Variants in SMN2 observed in about 807,000 individuals in gnomAD.
The protein encoded by SMN2 is survival motor neuron protein.
A neutral mutation model predicts 2.8 loss-of-function variants in SMN2; 1 was observed. That is an observed-to-expected ratio of 0.35 (90% CI 0.13 to 1.68). The LOEUF is 1.68. SMN2 is among the 40% of genes most tolerant of loss of function. The pLI, the probability that SMN2 is intolerant of heterozygous loss-of-function variation, is 0.35. For missense variants in SMN2, 12 were observed against 16.9 expected (o/e 0.71, Z 0.51); for synonymous variants, 5 against 5.0 (o/e 0.99, Z 0.01).
At chr5:70,079,304 G>A (rs561552726), downstream of SMN2, among the ~76,000 whole-genome samples, 382 of 145,436 alleles carry the variant, frequency 2.6e-3, 1 homozygote, top group African/African-American at 0.01. Flanking sequence ...ATGGTGGCAC[G>A]CCCTGTAGTC....
rs71243401 is a variant in SMN2, at chr5:70,075,541, A to G, written c.835-980A>G. Among the ~76,000 whole-genome samples, 171 of 122,920 alleles carry G rather than the reference A, an allele frequency of 1.4e-3. 5 individuals are homozygous for G. The East Asian group carries it at 0.023, about 17-fold the overall frequency. The allele number at this position is 122,920 out of a possible 152,430, so 80.6% of individuals were successfully genotyped here. A position where few individuals can be genotyped will look rare whatever the true frequency, so the allele number is the denominator to read the frequency against. ...GTCTTGTATTTTTAGTAGAGTCGGGATTTCTCCATGTTGGTCAGGCTGTTC... is the reference window on the plus strand; with the variant it reads ...GTCTTGTATTTTTAGTAGAGTCGGGGTTTCTCCATGTTGGTCAGGCTGTTC... On this transcript the variant is annotated intron_variant, in intron 7 of 8. Transcript: ENST00000380743.
downstream of SMN2, among the ~76,000 whole-genome samples, chr5:70,079,295 T>C (rs1774816440): frequency 6.9e-6 from 1 of 145,366 alleles, no homozygotes; most frequent in South Asian, 2.1e-4. Context: ...TAGCCCGGCA[T>C]GGTGGCACGC....
intron 1 of SMN2, among the ~76,000 whole-genome samples, chr5:70,052,543 A>T (rs1403153057): frequency 2.2e-4 from 4 of 18,556 alleles, no homozygotes; most frequent in East Asian, 2.1e-3. Flanking sequence ...CTTTGTCTTT[A>T]AAAAAAAAAA....
In SMN2 at chr5:70,076,813, A is replaced by T; in HGVS notation, c.*4-206A>T. 1.1e-5 allele frequency: 15 copies of T among 1,318,672 alleles called. 4 individuals carry two copies. In the South Asian group the frequency reaches 2.1e-4, roughly 19 times the overall value. The allele number at this position is 1,318,672 out of a possible 1,614,324, so 81.7% of individuals were successfully genotyped here. On this transcript the variant is annotated intron_variant, in intron 8 of 8. Transcript: ENST00000380743. The stretch of plus-strand genomic sequence containing the variant: ...TGTGTGGAAGAAACATACTTTCACA[A>T]TAAAGAGCTTTAGGATATGATGCCA...
the SMN2 span, among the ~76,000 whole-genome samples, chr5:70,084,847 C>A: frequency 5.2e-5 from 7 of 135,310 alleles, 2 homozygotes; most frequent in Non-Finnish European, 9.3e-5. Context: ...CACCTACTTG[C>A]TAAAATTTAT....
downstream of SMN2, among the ~76,000 whole-genome samples, chr5:70,081,987 T>C (rs1483205078): frequency 4.0e-5 from 5 of 123,932 alleles, 1 homozygote; most frequent in Non-Finnish European, 8.1e-5. Flanking sequence ...CAGTATGATA[T>C]TGGCTGTGGG....
chr5:70,088,424 CTTTT>C, the SMN2 span, among the ~76,000 whole-genome samples: 5 of 36,662 alleles, frequency 1.4e-4, no homozygotes, highest in African/African-American at 8.4e-4. Context: ...AAGTTTCAAA[CTTTT>C]TTTTTTTTTT....
At chr5:70,075,184 A>C (rs1454839227) in intron 7 of SMN2, among the ~76,000 whole-genome samples, 1 of 88,396 alleles carries the variant, frequency 1.1e-5, no homozygotes, top group African/African-American at 5.1e-5. Flanking sequence ...ATATGCCACC[A>C]CGCCCAGCCA....
At chr5:70,084,191 T>G in the SMN2 span, among the ~76,000 whole-genome samples, 3 of 63,714 alleles carry the variant, frequency 4.7e-5, no homozygotes, top group Admixed American at 5.5e-4. Context: ...TTAAATTGTT[T>G]TTTTTTTTTT....
rs1481295018 is a variant in SMN2, at chr5:70,075,624, C to A, written c.835-897C>A. Among the ~76,000 whole-genome samples, 6 of 119,300 alleles carry A rather than the reference C, an allele frequency of 5.0e-5. 2 individuals are homozygous for A. The highest frequency in any genetic ancestry group is 1.1e-4 in the Non-Finnish European group (6 of 55,176). 78.3% of individuals were successfully genotyped at this position (119,300 alleles called of 152,430 possible). A position where few individuals can be genotyped will look rare whatever the true frequency, so the allele number is the denominator to read the frequency against. The stretch of plus-strand genomic sequence containing the variant: ...TGGCCTCCAAAAGTGCAAGGCAAGG[C>A]ATTACAGGCATGAGCCACTGTGACC... On this transcript the variant is annotated intron_variant, in intron 7 of 8. Coordinates refer to ENST00000380743, the MANE Select transcript of SMN2 (RefSeq NM_017411.4).
chr5:70,079,322 C>T (rs1181214294), downstream of SMN2, among the ~76,000 whole-genome samples: 3 of 144,276 alleles, frequency 2.1e-5, no homozygotes, highest in Non-Finnish European at 4.5e-5. Flanking sequence ...GTCCCAGCTA[C>T]TTGGGAGGCT....
At chr5:70,075,307 A>G (rs1774716328) in intron 7 of SMN2, among the ~76,000 whole-genome samples, 1 of 94,372 alleles carries the variant, frequency 1.1e-5, no homozygotes, top group Admixed American at 1.1e-4. Flanking sequence ...TCTGCCTCCC[A>G]GGTTCACACC....
At chr5:70,083,295 T>G (rs1341711305), downstream of SMN2, among the ~76,000 whole-genome samples, 1 of 126,250 alleles carries the variant, frequency 7.9e-6, no homozygotes, top group Non-Finnish European at 1.6e-5. Context: ...TGGTCAATTT[T>G]GGAATAGGTG....
chr5:70,085,037 C>G, the SMN2 span, among the ~76,000 whole-genome samples: 1 of 136,482 alleles, frequency 7.3e-6, no homozygotes, highest in Non-Finnish European at 1.5e-5. Flanking sequence ...TATAGTTCTA[C>G]ATTTTTCACA....
At chr5:70,079,758 CAAAAA>C (rs543527450), downstream of SMN2, among the ~76,000 whole-genome samples, 3 of 98,030 alleles carry the variant, frequency 3.1e-5, no homozygotes, top group Non-Finnish European at 5.9e-5. Flanking sequence ...GACCCTGTCT[CAAAAA>C]AAAAAACCAA....
At chr5:70,075,962 T>C (rs1309623839) in intron 7 of SMN2, among the ~76,000 whole-genome samples, 1 of 125,886 alleles carries the variant, frequency 7.9e-6, no homozygotes, top group Non-Finnish European at 1.6e-5. Flanking sequence ...CAAGTGATTC[T>C]CCTGCCTCAA....
downstream of SMN2, among the ~76,000 whole-genome samples, chr5:70,079,466 C>A (rs1344419783): frequency 6.8e-6 from 1 of 147,666 alleles, no homozygotes; most frequent in Non-Finnish European, 1.5e-5. Context: ...TTACTAAGAG[C>A]AACTCTGGGC....
chr5:70,071,248 AC>A (rs1774587667), intron 7 of SMN2: 1 of 242,736 alleles, frequency 4.1e-6, no homozygotes, highest in Admixed American at 5.4e-5. Flanking sequence ...GCCTGCCACC[AC>A]GCCTGTCTAA....
At chr5:70,071,516 A>ATTT (rs1350107358) in intron 7 of SMN2, 2 of 86,536 alleles carry the variant, frequency 2.3e-5, no homozygotes, top group African/African-American at 1.0e-4. Context: ...ATTTTATTTT[A>ATTT]TTTTTTTTTT....
Sources: gnomAD v4.1 joint callset for allele counts (sites outside exome capture counted in the v4.1 genomes callset) on GRCh38, gnomAD v4.1.1 for gene constraint, MANE v1.5 for transcripts, NCBI Gene and HGNC (gene_info 2026-07-23, HGNC 2026-07-21) for gene names.